Variants in SNTG1 observed in about 807,000 individuals in gnomAD.
The protein encoded by SNTG1 is syntrophin gamma 1, also known as gamma-1-syntrophin.
SNTG1 carries 39 observed loss-of-function variants against 74.7 expected under a neutral mutation model. That is an observed-to-expected ratio of 0.52 (90% CI 0.40 to 0.68). SNTG1 has a LOEUF of 0.68. SNTG1 is among the 30% of genes least tolerant of loss of function. The pLI, the probability that SNTG1 is intolerant of heterozygous loss-of-function variation, is 0.00. For synonymous variants in SNTG1, 254 were observed against 217.1 expected (o/e 1.17, Z -1.49); for missense variants, 685 against 609.5 (o/e 1.12, Z -1.30).
chr8:50,148,055 A>G (rs1471363988), intron 1 of SNTG1, among the ~76,000 whole-genome samples: 2 of 152,208 alleles, frequency 1.3e-5, no homozygotes, highest in Non-Finnish European at 2.9e-5. Context: ...AAGAACTCAC[A>G]ACAGCCAAAG....
At chr8:49,931,125 T>G (rs1009183637) in intron 1 of SNTG1, among the ~76,000 whole-genome samples, 21 of 152,134 alleles carry the variant, frequency 1.4e-4, no homozygotes, top group African/African-American at 5.1e-4. Flanking sequence ...AAATGCAAAT[T>G]AAAGCCATAA....
At chr8:50,556,731 AG>A (rs2094457706) in intron 12 of SNTG1, among the ~76,000 whole-genome samples, 1 of 152,208 alleles carries the variant, frequency 6.6e-6, no homozygotes, top group Non-Finnish European at 1.5e-5. Context: ...TAGGTTAGTA[AG>A]ATGCACCTCC....
intron 4 of SNTG1, among the ~76,000 whole-genome samples, chr8:50,410,742 G>A (rs1274263315): frequency 6.6e-6 from 1 of 151,976 alleles, no homozygotes; most frequent in Non-Finnish European, 1.5e-5. Context: ...TTTAGATTAT[G>A]CATGTGCGAG....
chr8:50,397,009 G>A (rs1587466695), intron 3 of SNTG1, among the ~76,000 whole-genome samples: 1 of 152,186 alleles, frequency 6.6e-6, no homozygotes, highest in Non-Finnish European at 1.5e-5. Flanking sequence ...AGGCAATTAG[G>A]AAGTATTGCT....
Position 50,207,121 on chromosome 8 carries a change from G to T in SNTG1, c.-28+34486G>T, listed in dbSNP as rs551365181. Among the ~76,000 whole-genome samples, 16 of 152,242 alleles carry T rather than the reference G, an allele frequency of 1.1e-4. No individual in the cohort carries two copies. The East Asian group carries it at 1.9e-3, about 18-fold the overall frequency. On this transcript the variant is annotated intron_variant, in intron 2 of 18. Coordinates refer to ENST00000642720, the MANE Select transcript of SNTG1 (RefSeq NM_018967.5). ...GGATTCCCTCTTTTTCTATTGATTG[G>T]ATTAGTTTCAGAAGGAATGGTACCA...
At chr8:50,245,353 A>C (rs12548940) in intron 2 of SNTG1, among the ~76,000 whole-genome samples, 22,114 of 152,172 alleles carry the variant, frequency 0.15, 1,949 homozygotes, top group Middle Eastern at 0.26. Flanking sequence ...AATAAGTAGC[A>C]GCATGGTATG....
At chr8:50,201,616 G>A (rs1227879995) in intron 2 of SNTG1, among the ~76,000 whole-genome samples, 2 of 152,032 alleles carry the variant, frequency 1.3e-5, no homozygotes, top group Non-Finnish European at 2.9e-5. Context: ...TCTCTAAGGA[G>A]CCTTGGTTTA....
chr8:50,257,546 G>T (rs2086946233), intron 2 of SNTG1, among the ~76,000 whole-genome samples: 1 of 152,178 alleles, frequency 6.6e-6, no homozygotes, highest in Non-Finnish European at 1.5e-5. Context: ...TTGGTGAGCA[G>T]TTAAGAGGGG....
rs573903073 is a variant in SNTG1, at chr8:50,347,446, C to G, written c.-27-46766C>G. ...CTCATTGACAATGAACTTGATCACC[C>G]AAAAGCTCTGATGGAAACCTGCAAC... On this transcript the variant is annotated intron_variant, in intron 2 of 18. Transcript: ENST00000642720. Among the ~76,000 whole-genome samples, 428 of 152,288 alleles carry G rather than the reference C, an allele frequency of 2.8e-3. 3 individuals are homozygous for G. Among genetic ancestry groups the G allele is most frequent in the Non-Finnish European group, 5.4e-3 (364 of 68,020 alleles).
intron 1 of SNTG1, among the ~76,000 whole-genome samples, chr8:50,128,419 T>C (rs1281223215): frequency 6.6e-6 from 1 of 152,132 alleles, no homozygotes; most frequent in African/African-American, 2.4e-5. Context: ...CAATATTACT[T>C]TATACGGTAA....
intron 15 of SNTG1, among the ~76,000 whole-genome samples, chr8:50,683,707 T>G (rs2095340492): frequency 6.6e-6 from 1 of 152,176 alleles, no homozygotes; most frequent in African/African-American, 2.4e-5. Context: ...TTCTGCTACT[T>G]TATGGCTTTT....
chr8:50,707,834 G>T (rs185658098), intron 16 of SNTG1: 3 of 372,356 alleles, frequency 8.1e-6, no homozygotes, highest in Non-Finnish European at 1.4e-5. Flanking sequence ...ACATCATGTC[G>T]TATATAAACC....
At chr8:49,935,870 C>T (rs1296979610) in intron 1 of SNTG1, among the ~76,000 whole-genome samples, 1 of 152,230 alleles carries the variant, frequency 6.6e-6, no homozygotes, top group African/African-American at 2.4e-5. Flanking sequence ...TTCATCTTCC[C>T]TATTGGACTA....
chr8:50,592,009 C>G (rs1347597486), intron 13 of SNTG1, among the ~76,000 whole-genome samples: 1 of 152,174 alleles, frequency 6.6e-6, no homozygotes, highest in Non-Finnish European at 1.5e-5. Flanking sequence ...GTAACAACAC[C>G]TGGGATGTTC....
intron 2 of SNTG1, among the ~76,000 whole-genome samples, chr8:50,306,944 C>T (rs139011945): frequency 2.6e-3 from 388 of 151,794 alleles, no homozygotes; most frequent in African/African-American, 9.0e-3. Flanking sequence ...AAAATTATAT[C>T]TGTTTTTAAA....
At chr8:50,086,434 A>T (rs1447427044) in intron 1 of SNTG1, among the ~76,000 whole-genome samples, 1 of 152,188 alleles carries the variant, frequency 6.6e-6, no homozygotes, top group African/African-American at 2.4e-5. Context: ...CACAGAAGGG[A>T]TATGTAGAAA....
chr8:50,050,931 GA>G (rs1819515796), intron 1 of SNTG1, among the ~76,000 whole-genome samples: 1 of 151,946 alleles, frequency 6.6e-6, no homozygotes, highest in Non-Finnish European at 1.5e-5. Context: ...AATTATAGCT[GA>G]TGAAATCCAA....
chr8:50,244,609 AC>A, intron 2 of SNTG1, among the ~76,000 whole-genome samples: 1 of 152,318 alleles, frequency 6.6e-6, no homozygotes, highest in South Asian at 2.1e-4. Context: ...GACTCTGGTT[AC>A]TTTAAATTTC....
intron 18 of SNTG1, among the ~76,000 whole-genome samples, chr8:50,781,454 T>C (rs1430896764): frequency 6.6e-6 from 1 of 150,424 alleles, no homozygotes; most frequent in South Asian, 2.1e-4. Context: ...TTTACCATTA[T>C]GTAATGGCCT....
Sources: gnomAD v4.1 joint callset for allele counts (sites outside exome capture counted in the v4.1 genomes callset) on GRCh38, gnomAD v4.1.1 for gene constraint, MANE v1.5 for transcripts, NCBI Gene and HGNC (gene_info 2026-07-23, HGNC 2026-07-21) for gene names.